Variants in JAK1 observed in about 807,000 individuals in gnomAD.
The protein encoded by JAK1 is tyrosine-protein kinase JAK1.
JAK1 carries 16 observed loss-of-function variants against 136.6 expected under a neutral mutation model. That is an observed-to-expected ratio of 0.12 (90% confidence interval 0.08 to 0.18). The LOEUF is 0.18. Among genes scored for constraint, JAK1 ranks in the 10% least tolerant of loss-of-function variants. JAK1 has a pLI of 1.00. For synonymous variants in JAK1, 492 were observed against 519.5 expected, an observed-to-expected ratio of 0.95 and a Z score of 0.72; for missense variants, 859 against 1,450.1, an observed-to-expected ratio of 0.59 and a Z score of 6.62.
Position 64,839,101 on chromosome 1 carries a change from G to A in JAK1, c.2842+502C>T, listed in dbSNP as rs888109286. ...GCGGAGCTTGCAGTGAGCCGAGATT[G>A]CGCCACTGCAGTCCAGCCTGGGCCA... On this transcript the variant is annotated intron_variant, in intron 20 of 24. Transcript: ENST00000342505. 2.4e-4 allele frequency among the ~76,000 whole-genome samples: 33 copies of A among 135,942 alleles called. No individual in the cohort carries two copies. In the East Asian group the frequency reaches 2.6e-3, roughly 11 times the overall value. The allele number at this position is 135,942 out of a possible 152,430, so 89.2% of individuals were successfully genotyped here.
At chr1:65,032,643 C>T (rs1348181873) in intron 2 of JAK1, among the ~76,000 whole-genome samples, 1 of 152,194 alleles carries the variant, frequency 6.6e-6, no homozygotes, top group African/African-American at 2.4e-5. Context: ...TCCTGAGGGA[C>T]AGCAGGATTG....
At chr1:64,922,138 T>A (rs914188968) in intron 1 of JAK1, among the ~76,000 whole-genome samples, 2 of 139,436 alleles carry the variant, frequency 1.4e-5, no homozygotes, top group Non-Finnish European at 3.0e-5. Flanking sequence ...CTCATTTGAT[T>A]GTTCTTATGG....
chr1:64,896,392 C>A (rs1201051245), intron 1 of JAK1, among the ~76,000 whole-genome samples: 1 of 152,200 alleles, frequency 6.6e-6, no homozygotes, highest in Non-Finnish European at 1.5e-5. Context: ...ACACTACAGA[C>A]TCCAGCCACG....
At chr1:65,000,276 C>T (rs1488338557) in intron 2 of JAK1, among the ~76,000 whole-genome samples, 1 of 152,068 alleles carries the variant, frequency 6.6e-6, no homozygotes, top group Non-Finnish European at 1.5e-5. Context: ...GTAGGGCAAT[C>T]CTTATTCCTG....
At chr1:64,836,056 A>T in intron 23 of JAK1, 42 bp downstream of exon 23, 1 of 1,082,976 alleles carries the variant, frequency 9.2e-7, no homozygotes, top group Non-Finnish European at 1.4e-6. Context: ...GACACATTTT[A>T]AATGGGTACT....
At chr1:64,997,916 T>A (rs1427372525) in intron 2 of JAK1, among the ~76,000 whole-genome samples, 3 of 152,234 alleles carry the variant, frequency 2.0e-5, no homozygotes, top group African/African-American at 4.8e-5. Context: ...TCTCATCTTA[T>A]CTTTAAAACT....
At chr1:64,915,337 TA>T (rs201963732) in intron 1 of JAK1, among the ~76,000 whole-genome samples, 8 of 149,744 alleles carry the variant, frequency 5.3e-5, no homozygotes, top group Non-Finnish European at 1.0e-4. Context: ...GTTGGATATG[TA>T]AAAAAAAAAT....
rs762527920 is a variant in JAK1 at position 64,879,123 on chromosome 1, G to C, written c.231C>G (p.Leu77=). The C allele has an allele frequency of 6.2e-7, 1 of 1,613,988 alleles. No individual in the cohort carries two copies. The highest frequency in any genetic ancestry group is 8.5e-7 in the Non-Finnish European group (1 of 1,179,942). The change falls in exon 4 of 25, where the codon CTC becomes CTG. Residue 77 remains leucine (L), a synonymous_variant. Transcript: ENST00000342505. ...TGGTGTTCTCGTCATACAGGGCAAA[G>C]AGGTTGTGACAAAGAGGAGAGATAC... ...ACRISPLCHN[L]FALYDENTKL...
At chr1:64,849,986 G>C (rs974500849) in intron 12 of JAK1, among the ~76,000 whole-genome samples, 1 of 152,126 alleles carries the variant, frequency 6.6e-6, no homozygotes, top group Non-Finnish European at 1.5e-5. Context: ...CACTGAAAAA[G>C]GTAAAGTAAC....
chr1:64,915,285 A>G (rs1645374794), intron 1 of JAK1, among the ~76,000 whole-genome samples: 1 of 152,176 alleles, frequency 6.6e-6, no homozygotes, highest in Non-Finnish European at 1.5e-5. Flanking sequence ...ATGTAAGGGG[A>G]AAAGAAGAGG....
chr1:64,854,290 C>T (rs1655785848), intron 11 of JAK1, among the ~76,000 whole-genome samples: 1 of 152,160 alleles, frequency 6.6e-6, no homozygotes, highest in African/African-American at 2.4e-5. Flanking sequence ...CAAGATGTGT[C>T]CCAGATAAAG....
At chr1:64,931,186 C>T (rs908517870) in intron 1 of JAK1, among the ~76,000 whole-genome samples, 1 of 152,064 alleles carries the variant, frequency 6.6e-6, no homozygotes, top group Non-Finnish European at 1.5e-5. Context: ...GATTCCACAT[C>T]GGACTTGATA....
chr1:64,976,199 A>G (rs980869293), intron 2 of JAK1, among the ~76,000 whole-genome samples: 6 of 152,136 alleles, frequency 3.9e-5, no homozygotes, highest in South Asian at 2.1e-4. Flanking sequence ...ATGTCATCCC[A>G]GCCTATTAGA....
intron 2 of JAK1, among the ~76,000 whole-genome samples, chr1:65,040,282 G>A (rs745464079): frequency 3.3e-5 from 5 of 151,734 alleles, no homozygotes; most frequent in Non-Finnish European, 5.9e-5. Context: ...TAGCACAGAT[G>A]CTTTCCTTCT....
At chr1:65,009,925 A>G (rs1646834583) in intron 2 of JAK1, among the ~76,000 whole-genome samples, 1 of 152,176 alleles carries the variant, frequency 6.6e-6, no homozygotes, top group Admixed American at 6.5e-5. Context: ...ACTGTCCCCC[A>G]TGTCACATGA....
chr1:64,978,214 G>A (rs1056044039), intron 2 of JAK1, among the ~76,000 whole-genome samples: 2 of 151,852 alleles, frequency 1.3e-5, no homozygotes, highest in African/African-American at 4.8e-5. Flanking sequence ...AGAGGCACAC[G>A]TTGCAGTGAG....
At chr1:64,889,300 T>C (rs905007525) in intron 1 of JAK1, among the ~76,000 whole-genome samples, 36 of 152,310 alleles carry the variant, frequency 2.4e-4, no homozygotes, top group African/African-American at 7.2e-4. Context: ...CATGATTCAC[T>C]GGGTTCAATT....
chr1:64,846,786 T>A (rs2101010470), intron 13 of JAK1, 50 bp from the exon 14 acceptor site: 1 of 1,452,872 alleles, frequency 6.9e-7, no homozygotes, highest in South Asian at 1.2e-5. Context: ...TCCAGGGGGC[T>A]GCTCCCCAGG....
At chr1:64,871,321 A>C (rs1657060240) in intron 5 of JAK1, among the ~76,000 whole-genome samples, 1 of 152,252 alleles carries the variant, frequency 6.6e-6, no homozygotes, top group South Asian at 2.1e-4. Flanking sequence ...GTATACTCTA[A>C]GGTAATAATA....
Sources: gnomAD v4.1 joint callset for allele counts (sites outside exome capture counted in the v4.1 genomes callset) on GRCh38, gnomAD v4.1.1 for gene constraint, MANE v1.5 for transcripts, NCBI Gene and HGNC (gene_info 2026-07-23, HGNC 2026-07-21) for gene names.